The following CFAP95 variants were observed in gnomAD, a reference collection of about 807,000 sequenced individuals.
CFAP95 encodes the protein cilia- and flagella-associated protein 95.
At chr9:69,905,335 C>T in the CFAP95 span, among the ~76,000 whole-genome samples, 1 of 152,136 alleles carries the variant, frequency 6.6e-6, no homozygotes, top group Non-Finnish European at 1.5e-5. Flanking sequence ...CCATGTCTGC[C>T]ATTACCCTTG....
the CFAP95 span, among the ~76,000 whole-genome samples, chr9:69,871,440 GT>G: frequency 1.3e-5 from 2 of 152,038 alleles, no homozygotes; most frequent in African/African-American, 4.8e-5. Context: ...TCAGATTTGT[GT>G]TTAGAAAACA....
At chr9:69,830,638 A>G in the CFAP95 span, among the ~76,000 whole-genome samples, 2 of 152,216 alleles carry the variant, frequency 1.3e-5, no homozygotes, top group East Asian at 3.9e-4. Context: ...TTATGAATAA[A>G]TTTGAGTACT....
the CFAP95 span, among the ~76,000 whole-genome samples, chr9:69,880,446 T>C: frequency 1.3e-5 from 2 of 152,182 alleles, no homozygotes; most frequent in African/African-American, 2.4e-5. Flanking sequence ...TCACTTAACA[T>C]AGTGATCTCC....
At chr9:69,846,421 T>G in the CFAP95 span, among the ~76,000 whole-genome samples, 1 of 152,208 alleles carries the variant, frequency 6.6e-6, no homozygotes, top group African/African-American at 2.4e-5. Flanking sequence ...GGAATGTGTA[T>G]TCAATAGAAA....
the CFAP95 span, among the ~76,000 whole-genome samples, chr9:69,826,515 C>T: frequency 6.6e-6 from 1 of 152,150 alleles, no homozygotes; most frequent in Non-Finnish European, 1.5e-5. Context: ...AAGTAAGGAC[C>T]CTTGGTAACA....
chr9:69,820,879 C>T, the CFAP95 span: 5 of 1,613,732 alleles, frequency 3.1e-6, no homozygotes, highest in Non-Finnish European at 4.2e-6. Flanking sequence ...CGAGGGCTCC[C>T]ATGGATAGCC....
chr9:69,825,245 T>C, the CFAP95 span, among the ~76,000 whole-genome samples: 1 of 152,224 alleles, frequency 6.6e-6, no homozygotes, highest in Non-Finnish European at 1.5e-5. Context: ...GTTAAGTGAC[T>C]GTACATATAG....
At chr9:69,841,525 G>A in the CFAP95 span, among the ~76,000 whole-genome samples, 2 of 152,094 alleles carry the variant, frequency 1.3e-5, no homozygotes, top group Non-Finnish European at 2.9e-5. Context: ...AATAGGAGAA[G>A]GCCAGAGAAA....
At chr9:69,859,040 G>C in the CFAP95 span, among the ~76,000 whole-genome samples, 1 of 152,202 alleles carries the variant, frequency 6.6e-6, no homozygotes, top group Non-Finnish European at 1.5e-5. Flanking sequence ...CAAACAATTA[G>C]AGCAGTAACT....
At chr9:69,860,667 T>C in the CFAP95 span, among the ~76,000 whole-genome samples, 9 of 151,994 alleles carry the variant, frequency 5.9e-5, no homozygotes. Flanking sequence ...GCAAACACAT[T>C]GTATAGCTGT....
chr9:69,895,359 CTCTCTCTCTCTGTGTG>C, the CFAP95 span, among the ~76,000 whole-genome samples: 1 of 97,290 alleles, frequency 1.0e-5, no homozygotes, highest in Non-Finnish European at 2.2e-5. Context: ...CTCTCTCTCT[CTCTCTCTCTCTGTGTG>C]TGTGTGTGTG....
the CFAP95 span, chr9:69,856,688 T>C: frequency 6.4e-7 from 1 of 1,562,438 alleles, no homozygotes; most frequent in Non-Finnish European, 8.8e-7. Flanking sequence ...TCTTAATACT[T>C]TTCTTTACTT....
the CFAP95 span, among the ~76,000 whole-genome samples, chr9:69,894,777 G>T: frequency 6.6e-6 from 1 of 152,130 alleles, no homozygotes; most frequent in Non-Finnish European, 1.5e-5. Flanking sequence ...ACTAGAGTTA[G>T]ATGGACAGAC....
the CFAP95 span, among the ~76,000 whole-genome samples, chr9:69,855,538 A>C: frequency 6.6e-6 from 1 of 152,150 alleles, no homozygotes; most frequent in Non-Finnish European, 1.5e-5. Flanking sequence ...AGAGTAGTTG[A>C]GCTAAGGGTA....
the CFAP95 span, among the ~76,000 whole-genome samples, chr9:69,875,662 T>A: frequency 1.3e-5 from 2 of 152,112 alleles, no homozygotes; most frequent in African/African-American, 4.8e-5. Context: ...TAACTTTGAG[T>A]AGGAAGAGGG....
chr9:69,852,272 TA>T, the CFAP95 span, among the ~76,000 whole-genome samples: 2 of 152,126 alleles, frequency 1.3e-5, no homozygotes, highest in African/African-American at 4.8e-5. Flanking sequence ...AGATCTAAGA[TA>T]ATAGATGCCA....
chr9:69,875,087 A>T, the CFAP95 span, among the ~76,000 whole-genome samples: 27 of 152,190 alleles, frequency 1.8e-4, no homozygotes, highest in African/African-American at 6.0e-4. Flanking sequence ...TACAGCTAAT[A>T]TCTAGAGGAA....
At chr9:69,863,139 A>C in the CFAP95 span, among the ~76,000 whole-genome samples, 1 of 152,162 alleles carries the variant, frequency 6.6e-6, no homozygotes, top group Non-Finnish European at 1.5e-5. Flanking sequence ...AACCAAAGCT[A>C]TTGTTTTCCT....
the CFAP95 span, among the ~76,000 whole-genome samples, chr9:69,853,596 T>C: frequency 6.6e-6 from 1 of 152,188 alleles, no homozygotes; most frequent in African/African-American, 2.4e-5. Flanking sequence ...CTTTTAAACA[T>C]ATGGAAGTGC....
Sources: gnomAD v4.1 joint callset for allele counts (sites outside exome capture counted in the v4.1 genomes callset) on GRCh38, gnomAD v4.1.1 for gene constraint, MANE v1.5 for transcripts, NCBI Gene and HGNC (gene_info 2026-07-23, HGNC 2026-07-21) for gene names.